Variants in CCDC178 observed in about 807,000 individuals in gnomAD.
The protein encoded by CCDC178 is coiled-coil domain containing 178, also known as coiled-coil domain-containing protein 178.
A neutral mutation model predicts 117.4 loss-of-function variants in CCDC178; 126 were observed. The observed-to-expected ratio is 1.07, with a 90% CI of 0.93 to 1.24. The LOEUF is 1.24. Among genes scored for constraint, CCDC178 ranks in the 50% most tolerant of loss-of-function variants. The pLI is 0.00. For missense variants in CCDC178, 1,030 were observed against 986.9 expected (o/e 1.04, Z -0.59); for synonymous variants, 283 against 313.4 (o/e 0.90, Z 1.02).
intron 8 of CCDC178, among the ~76,000 whole-genome samples, chr18:33,347,921 T>A (rs2062918980): frequency 6.6e-6 from 1 of 152,052 alleles, no homozygotes; most frequent in African/African-American, 2.4e-5. Context: ...AGCAACTACC[T>A]GCAATTTTTT....
chr18:33,206,878 A>G (rs994012478), intron 20 of CCDC178, among the ~76,000 whole-genome samples: 5 of 152,176 alleles, frequency 3.3e-5, no homozygotes, highest in African/African-American at 1.2e-4. Flanking sequence ...CCCTGATAAA[A>G]TTGGGAGATT....
Position 33,245,439 on chromosome 18 carries a change from A to C in CCDC178, c.1410-11T>G. On this transcript the variant is annotated splice_polypyrimidine_tract_variant and intron_variant, in intron 14 of 22. Coordinates refer to ENST00000383096, the MANE Select transcript of CCDC178 (RefSeq NM_001105528.4). Reference sequence around the variant, plus strand: ...GATTTTTTCCGTATGCTGTAAAAGTAAAGCAAAAATTAATATTATTGAGTA... The same window carrying C: ...GATTTTTTCCGTATGCTGTAAAAGTCAAGCAAAAATTAATATTATTGAGTA... 1 of 1,508,214 alleles carries C rather than the reference A, an allele frequency of 6.6e-7. No homozygotes were observed. Among genetic ancestry groups the C allele is most frequent in the Admixed American group, 2.3e-5 (1 of 43,796 alleles). 93.4% of individuals were successfully genotyped at this position (1,508,214 alleles called of 1,614,324 possible).
At chr18:33,323,432 A>G in intron 11 of CCDC178, 59 bp downstream of exon 11, 1 of 1,142,210 alleles carries the variant, frequency 8.8e-7, no homozygotes, top group African/African-American at 1.6e-5. Flanking sequence ...TATACATTAC[A>G]TTTTTACTTA....
chr18:33,390,894 G>T (rs1410872726), intron 4 of CCDC178, among the ~76,000 whole-genome samples: 1 of 151,314 alleles, frequency 6.6e-6, no homozygotes, highest in Non-Finnish European at 1.5e-5. Flanking sequence ...TAAATATAAG[G>T]TTAAAATGCT....
At chr18:33,333,822 A>G (rs999181363) in intron 9 of CCDC178, among the ~76,000 whole-genome samples, 4 of 152,074 alleles carry the variant, frequency 2.6e-5, no homozygotes, top group Admixed American at 6.5e-5. Flanking sequence ...AAATCTTACT[A>G]CCTCTAAAAT....
intron 2 of CCDC178, among the ~76,000 whole-genome samples, chr18:33,414,161 A>C (rs2063900273): frequency 6.6e-6 from 1 of 152,220 alleles, no homozygotes; most frequent in Non-Finnish European, 1.5e-5. Flanking sequence ...TCAAATTTTA[A>C]AATGTCAAAA....
chr18:33,040,924 AG>A (rs966590681), intron 21 of CCDC178, among the ~76,000 whole-genome samples: 62 of 152,090 alleles, frequency 4.1e-4, no homozygotes, highest in African/African-American at 1.2e-3. Flanking sequence ...TGTAGGTCTA[AG>A]GCTAAAATGA....
At chr18:33,413,380 G>C (rs1012117763) in intron 2 of CCDC178, among the ~76,000 whole-genome samples, 2 of 151,988 alleles carry the variant, frequency 1.3e-5, no homozygotes, top group Non-Finnish European at 2.9e-5. Context: ...GAACATAACA[G>C]TGTTTTATGG....
chr18:33,069,611 TA>T, intron 21 of CCDC178, among the ~76,000 whole-genome samples: 1 of 152,202 alleles, frequency 6.6e-6, no homozygotes. Flanking sequence ...GACATTGATC[TA>T]GGCAAAGATT....
intron 21 of CCDC178, among the ~76,000 whole-genome samples, chr18:32,992,333 C>T (rs949893037): frequency 5.3e-5 from 8 of 152,052 alleles, no homozygotes; most frequent in African/African-American, 1.9e-4. Context: ...TTTCTAAATA[C>T]ACATTTTGGA....
chr18:33,211,014 C>A (rs1366591092), intron 20 of CCDC178, among the ~76,000 whole-genome samples: 1 of 151,682 alleles, frequency 6.6e-6, no homozygotes, highest in Non-Finnish European at 1.5e-5. Flanking sequence ...AAAAAAAGTT[C>A]TCACACGTCT....
At chr18:33,020,120 T>G (rs921295466) in intron 21 of CCDC178, among the ~76,000 whole-genome samples, 21 of 150,102 alleles carry the variant, frequency 1.4e-4, no homozygotes, top group Non-Finnish European at 2.7e-4. Flanking sequence ...TAATTGGTTT[T>G]TTTTTTTTTT....
intron 20 of CCDC178, among the ~76,000 whole-genome samples, chr18:33,145,285 A>AT (rs1052293426): frequency 2.6e-5 from 4 of 152,070 alleles, no homozygotes; most frequent in African/African-American, 7.2e-5. Context: ...GGGGTTATTC[A>AT]TTTTTTCTCA....
chr18:33,238,510 A>G (rs1415203859), intron 15 of CCDC178, among the ~76,000 whole-genome samples: 4 of 152,102 alleles, frequency 2.6e-5, no homozygotes, highest in African/African-American at 2.4e-5. Context: ...ATGAAATAAA[A>G]AAAATAGAAT....
intron 7 of CCDC178, 69 bp downstream of exon 7, chr18:33,356,255 A>G: frequency 7.2e-7 from 1 of 1,387,194 alleles, no homozygotes; most frequent in Middle Eastern, 1.9e-4. Flanking sequence ...GTTAAACTGG[A>G]TTATAGCAGA....
At chr18:33,041,251 A>G (rs1345456079) in intron 21 of CCDC178, among the ~76,000 whole-genome samples, 1 of 151,832 alleles carries the variant, frequency 6.6e-6, no homozygotes, top group African/African-American at 2.4e-5. Flanking sequence ...AGATAAATTC[A>G]AACTTCTAAA....
chr18:33,190,731 G>A (rs956187541), intron 20 of CCDC178, among the ~76,000 whole-genome samples: 2 of 152,182 alleles, frequency 1.3e-5, no homozygotes, highest in African/African-American at 4.8e-5. Context: ...TACTGGAGAA[G>A]CTAAGTGTAA....
At chr18:33,242,014 A>G (rs1343825687) in intron 15 of CCDC178, among the ~76,000 whole-genome samples, 1 of 151,880 alleles carries the variant, frequency 6.6e-6, no homozygotes, top group Non-Finnish European at 1.5e-5. Flanking sequence ...CAGACTTCAA[A>G]ATTCACTACA....
intron 20 of CCDC178, among the ~76,000 whole-genome samples, chr18:33,110,514 C>G (rs1003524204): frequency 6.6e-6 from 1 of 151,532 alleles, no homozygotes; most frequent in African/African-American, 2.4e-5. Context: ...TCCCTAAAAG[C>G]TTTACATAAC....
Sources: allele counts gnomAD v4.1 joint callset (sites outside exome capture counted in the v4.1 genomes callset), GRCh38; gene constraint gnomAD v4.1.1; transcripts MANE v1.5; gene names NCBI Gene and HGNC (gene_info 2026-07-23, HGNC 2026-07-21).